Variants in KHDRBS2 observed in about 807,000 individuals in gnomAD.
The protein encoded by KHDRBS2 is KH RNA binding domain containing, signal transduction associated 2.
Under a neutral mutation model 44.3 loss-of-function variants are expected in KHDRBS2, and 26 were observed. The ratio of observed to expected loss-of-function variants is 0.59; its 90% CI spans 0.43 to 0.81. The LOEUF is 0.81. KHDRBS2 is among the 40% of genes least tolerant of loss of function. KHDRBS2 has a pLI of 0.00. For missense variants in KHDRBS2, 476 were observed against 433.1 expected (o/e 1.10, Z -0.88); for synonymous variants, 194 against 151.1 (o/e 1.28, Z -2.08).
intron 1 of KHDRBS2, among the ~76,000 whole-genome samples, chr6:62,266,850 A>C (rs1839288672): frequency 6.6e-6 from 1 of 152,072 alleles, no homozygotes; most frequent in South Asian, 2.1e-4. Context: ...AAATTTAAAT[A>C]ATAGTGTACA....
chr6:62,137,413 T>C (rs112670022), intron 2 of KHDRBS2, among the ~76,000 whole-genome samples: 19 of 152,342 alleles, frequency 1.2e-4, no homozygotes, highest in Non-Finnish European at 2.6e-4. Context: ...ATTTTAGACA[T>C]TTAATTTCAA....
At chr6:61,961,888 A>G (rs1385302545) in intron 4 of KHDRBS2, among the ~76,000 whole-genome samples, 1 of 152,132 alleles carries the variant, frequency 6.6e-6, no homozygotes, top group African/African-American at 2.4e-5. Context: ...GATCTGGATT[A>G]CAGTTTAAAC....
chr6:61,786,936 T>A (rs1035472459), intron 6 of KHDRBS2, among the ~76,000 whole-genome samples: 17 of 151,376 alleles, frequency 1.1e-4, no homozygotes, highest in Admixed American at 7.9e-4. Context: ...CCAATAACAA[T>A]TTAAAAAATG....
rs866725532 is a variant in KHDRBS2, at chr6:61,848,495, A to G, written c.810+46140T>C. On this transcript the variant is annotated intron_variant, in intron 6 of 8. Transcript: ENST00000281156. ...TATATATATATATATATATATGTAT[A>G]TATATATATATATATGTATATATGT... Among the ~76,000 whole-genome samples the G allele has an allele frequency of 7.0e-4, 41 of 58,162 alleles. 1 individual carries two copies. The highest frequency in any genetic ancestry group is 3.1e-3 in the African/African-American group (31 of 9,894). 38.2% of individuals were successfully genotyped at this position (58,162 alleles called of 152,430 possible).
chr6:61,635,538 A>G, the KHDRBS2 span, among the ~76,000 whole-genome samples: 1 of 152,024 alleles, frequency 6.6e-6, no homozygotes, highest in African/African-American at 2.4e-5. Context: ...TTATGGTTGC[A>G]TATCACCTGA....
intron 3 of KHDRBS2, among the ~76,000 whole-genome samples, chr6:61,995,182 G>A (rs1298072931): frequency 6.6e-6 from 1 of 151,944 alleles, no homozygotes; most frequent in Non-Finnish European, 1.5e-5. Flanking sequence ...GGGGAGATGG[G>A]GACCTTGATC....
At chr6:61,668,566 G>A in the KHDRBS2 span, among the ~76,000 whole-genome samples, 3,706 of 150,976 alleles carry the variant, frequency 0.025, 71 homozygotes, top group Middle Eastern at 0.082. Flanking sequence ...AGTATCTAAC[G>A]TTATTGTTTT....
intron 4 of KHDRBS2, among the ~76,000 whole-genome samples, chr6:61,939,969 T>G (rs1021399273): frequency 6.6e-6 from 1 of 152,160 alleles, no homozygotes; most frequent in Non-Finnish European, 1.5e-5. Flanking sequence ...TCTTGTTACT[T>G]TTTCTAAACC....
chr6:61,677,408 G>A (rs192618221), downstream of KHDRBS2, among the ~76,000 whole-genome samples: 2 of 151,958 alleles, frequency 1.3e-5, no homozygotes, highest in East Asian at 3.9e-4. Context: ...TAAAATTTCA[G>A]AATTTAACTC....
the KHDRBS2 span, among the ~76,000 whole-genome samples, chr6:61,650,553 G>A: frequency 6.6e-6 from 1 of 151,880 alleles, no homozygotes; most frequent in South Asian, 2.1e-4. Context: ...CTTTTTAAGG[G>A]TTAACGATGT....
At chr6:61,848,570 TATATAC>T (rs1464245829) in intron 6 of KHDRBS2, among the ~76,000 whole-genome samples, 1,148 of 71,232 alleles carry the variant, frequency 0.016, 76 homozygotes, top group African/African-American at 0.037. Context: ...TATGTATATA[TATATAC>T]ATATATATAT....
At chr6:61,581,331 A>G in the KHDRBS2 span, among the ~76,000 whole-genome samples, 1 of 152,082 alleles carries the variant, frequency 6.6e-6, no homozygotes, top group South Asian at 2.1e-4. Flanking sequence ...TCTACTAACA[A>G]ACTTTTACTT....
chr6:61,967,428 CAGAT>C (rs1562546917), intron 4 of KHDRBS2, among the ~76,000 whole-genome samples: 1 of 151,462 alleles, frequency 6.6e-6, no homozygotes, highest in African/African-American at 2.4e-5. Flanking sequence ...GATAGATAGA[CAGAT>C]GGATAGATTG....
intron 4 of KHDRBS2, among the ~76,000 whole-genome samples, chr6:61,909,672 C>CCAG (rs10681896): frequency 0.87 from 131,730 of 151,912 alleles, 57,566 homozygotes; most frequent in African/African-American, 0.95. Context: ...TTGGATGTTC[C>CCAG]AAAGGACTTA....
At chr6:61,826,105 T>C (rs571355693) in intron 6 of KHDRBS2, among the ~76,000 whole-genome samples, 80 of 152,248 alleles carry the variant, frequency 5.3e-4, no homozygotes, top group African/African-American at 1.9e-3. Context: ...ATTTTTCCCC[T>C]AAATTATTTT....
At chr6:61,960,600 G>A (rs1304114473) in intron 4 of KHDRBS2, among the ~76,000 whole-genome samples, 1 of 152,030 alleles carries the variant, frequency 6.6e-6, no homozygotes, top group Non-Finnish European at 1.5e-5. Flanking sequence ...TATAGCACAA[G>A]CACAAAAGTC....
chr6:61,719,869 C>T (rs554646319), intron 7 of KHDRBS2, among the ~76,000 whole-genome samples: 1 of 152,050 alleles, frequency 6.6e-6, no homozygotes, highest in East Asian at 1.9e-4. Flanking sequence ...TGTTGGTGTG[C>T]TGCACCCACT....
chr6:62,183,717 T>C (rs1276320542), intron 1 of KHDRBS2, among the ~76,000 whole-genome samples: 1 of 151,586 alleles, frequency 6.6e-6, no homozygotes, highest in Non-Finnish European at 1.5e-5. Context: ...AATTCGTCTG[T>C]GAAGAAAATA....
intron 1 of KHDRBS2, among the ~76,000 whole-genome samples, chr6:62,237,299 T>A (rs1563112898): frequency 1.3e-5 from 2 of 152,204 alleles, no homozygotes; most frequent in Non-Finnish European, 2.9e-5. Flanking sequence ...ATAGGTTGTG[T>A]TATATAAATA....
Sources: gnomAD v4.1 joint callset for allele counts (sites outside exome capture counted in the v4.1 genomes callset) on GRCh38, gnomAD v4.1.1 for gene constraint, MANE v1.5 for transcripts, NCBI Gene and HGNC (gene_info 2026-07-23, HGNC 2026-07-21) for gene names.